Variants in PLCB4 observed in about 807,000 individuals in gnomAD.
PLCB4 encodes 1-phosphatidylinositol 4,5-bisphosphate phosphodiesterase beta-4.
A neutral mutation model predicts 178.8 loss-of-function variants in PLCB4; 77 were observed. That is an observed-to-expected ratio of 0.43 (90% CI 0.36 to 0.52). PLCB4 has a LOEUF of 0.52. Among genes scored for constraint, PLCB4 ranks in the 20% least tolerant of loss-of-function variants. The pLI is 0.00. For synonymous variants in PLCB4, 496 were observed against 490.8 expected, an observed-to-expected ratio of 1.01 and a Z score of -0.14; for missense variants, 1,024 against 1,453.4, an observed-to-expected ratio of 0.70 and a Z score of 4.80.
intron 1 of PLCB4, among the ~76,000 whole-genome samples, chr20:9,081,522 C>A (rs2090145119): frequency 6.6e-6 from 1 of 152,154 alleles, no homozygotes; most frequent in African/African-American, 2.4e-5. Flanking sequence ...TTAGAGACTT[C>A]ATACAGTTGT....
intron 3 of PLCB4, among the ~76,000 whole-genome samples, chr20:9,255,442 A>G (rs1008712022): frequency 5.3e-5 from 8 of 151,934 alleles, no homozygotes; most frequent in Non-Finnish European, 1.0e-4. Flanking sequence ...AAACCAGCCT[A>G]ATTAACTTGT....
At chr20:9,469,189 C>T (rs1468503705) in intron 36 of PLCB4, among the ~76,000 whole-genome samples, 3 of 152,106 alleles carry the variant, frequency 2.0e-5, no homozygotes, top group Admixed American at 1.3e-4. Context: ...CCATGTTGGC[C>T]ACACTGGTCT....
intron 2 of PLCB4, among the ~76,000 whole-genome samples, chr20:9,181,233 C>G (rs1335204978): frequency 1.3e-5 from 2 of 152,136 alleles, no homozygotes; most frequent in Non-Finnish European, 2.9e-5. Flanking sequence ...TGGTGCTGAT[C>G]TAATTCATTT....
intron 2 of PLCB4, among the ~76,000 whole-genome samples, chr20:9,202,150 T>C (rs1420979167): frequency 6.6e-6 from 1 of 152,186 alleles, no homozygotes; most frequent in African/African-American, 2.4e-5. Context: ...GAAGGCTACA[T>C]ACTATATGAT....
At chr20:9,163,667 G>T (rs1012860274) in intron 2 of PLCB4, among the ~76,000 whole-genome samples, 4 of 151,574 alleles carry the variant, frequency 2.6e-5, no homozygotes, top group Non-Finnish European at 4.4e-5. Context: ...AGTATCTGTT[G>T]AGTCCTAAAT....
At chr20:9,288,001 T>C (rs1271853654) in intron 3 of PLCB4, among the ~76,000 whole-genome samples, 1 of 152,096 alleles carries the variant, frequency 6.6e-6, no homozygotes, top group African/African-American at 2.4e-5. Flanking sequence ...TGTGGTTCTA[T>C]TGCAGCTCCA....
At chr20:9,229,434 A>G (rs2093907224) in intron 3 of PLCB4, among the ~76,000 whole-genome samples, 4 of 152,014 alleles carry the variant, frequency 2.6e-5, no homozygotes, top group South Asian at 4.1e-4. Flanking sequence ...AGAAGGCCAC[A>G]TGTCTCCTGC....
At chr20:9,359,644 C>T (rs1228550632) in intron 7 of PLCB4, among the ~76,000 whole-genome samples, 5 of 152,140 alleles carry the variant, frequency 3.3e-5, no homozygotes, top group South Asian at 2.1e-4. Context: ...GAAAGTGCCC[C>T]GTGTGGCAGA....
At chr20:9,135,056 T>C (rs1049769436) in intron 2 of PLCB4, among the ~76,000 whole-genome samples, 5 of 152,190 alleles carry the variant, frequency 3.3e-5, no homozygotes, top group Non-Finnish European at 7.4e-5. Context: ...GAATTTTAGA[T>C]TACTATATTG....
intron 2 of PLCB4, among the ~76,000 whole-genome samples, chr20:9,101,400 A>G (rs1209648063): frequency 6.6e-6 from 1 of 152,128 alleles, no homozygotes; most frequent in Non-Finnish European, 1.5e-5. Flanking sequence ...CACTATTCCT[A>G]TTCAGGAATC....
chr20:9,445,798 C>T (rs529924099), intron 32 of PLCB4, among the ~76,000 whole-genome samples: 38 of 152,220 alleles, frequency 2.5e-4, no homozygotes, highest in Admixed American at 6.5e-4. Context: ...GGAAAGCCAA[C>T]AGAAAAAGAG....
chr20:9,263,233 G>A (rs1033196292), intron 3 of PLCB4, among the ~76,000 whole-genome samples: 1 of 152,184 alleles, frequency 6.6e-6, no homozygotes, highest in African/African-American at 2.4e-5. Context: ...CATGGATAGC[G>A]TTGTGGATAG....
intron 4 of PLCB4, among the ~76,000 whole-genome samples, chr20:9,318,879 C>T (rs1568578504): frequency 6.6e-6 from 1 of 152,204 alleles, no homozygotes; most frequent in Non-Finnish European, 1.5e-5. Context: ...TCTATTGCTT[C>T]TTCTCAACCT....
chr20:9,384,601 T>A (rs746714465), intron 14 of PLCB4, among the ~76,000 whole-genome samples, 190 bp downstream of exon 14: 14 of 152,138 alleles, frequency 9.2e-5, no homozygotes, highest in Admixed American at 8.5e-4. Context: ...TCTTCAGTCA[T>A]CCAAAAGACT....
chr20:9,276,665 T>C (rs985835585), intron 3 of PLCB4, among the ~76,000 whole-genome samples: 2 of 152,086 alleles, frequency 1.3e-5, no homozygotes, highest in Non-Finnish European at 2.9e-5. Flanking sequence ...ATACCACACA[T>C]GTCATTTCTG....
chr20:9,126,684 G>A (rs1486428479), intron 2 of PLCB4, among the ~76,000 whole-genome samples: 3 of 151,206 alleles, frequency 2.0e-5, no homozygotes, highest in Admixed American at 2.0e-4. Flanking sequence ...ATGGAATGAA[G>A]GAAAAAATAC....
chr20:9,154,549 C>T (rs1048030668), intron 2 of PLCB4, among the ~76,000 whole-genome samples: 11 of 152,148 alleles, frequency 7.2e-5, no homozygotes, highest in Non-Finnish European at 1.6e-4. Context: ...ATACACAGCT[C>T]CTAAATCTGC....
At chr20:9,435,905 T>C (rs1242291532) in intron 29 of PLCB4, among the ~76,000 whole-genome samples, 1 of 152,124 alleles carries the variant, frequency 6.6e-6, no homozygotes, top group Admixed American at 6.5e-5. Context: ...AGAAAGAAAA[T>C]GCAAAACATT....
At chr20:9,078,334 C>A (rs960139044) in intron 1 of PLCB4, among the ~76,000 whole-genome samples, 1 of 140,770 alleles carries the variant, frequency 7.1e-6, no homozygotes, top group East Asian at 2.2e-4. Flanking sequence ...AAATTAGAAA[C>A]TATACCTTCT....
Sources: gnomAD v4.1 joint callset for allele counts (sites outside exome capture counted in the v4.1 genomes callset) on GRCh38, gnomAD v4.1.1 for gene constraint, MANE v1.5 for transcripts, NCBI Gene and HGNC (gene_info 2026-07-23, HGNC 2026-07-21) for gene names.